The following SH3RF2 variants were observed in gnomAD, a reference collection of about 807,000 sequenced individuals.
SH3RF2 encodes SH3 domain containing ring finger 2.
A neutral mutation model predicts 59.0 loss-of-function variants in SH3RF2; 43 were observed. The observed-to-expected ratio is 0.73, with a 90% CI of 0.57 to 0.94. The LOEUF is 0.94. Among genes scored for constraint, SH3RF2 ranks in the 40% least tolerant of loss-of-function variants. The probability of loss-of-function intolerance (pLI) is 0.00; values close to 1 mark genes in which losing one functional copy is unlikely to be tolerated. For synonymous variants in SH3RF2, 391 were observed against 391.5 expected, an observed-to-expected ratio of 1.00 and a Z score of 0.01; for missense variants, 930 against 940.1, an observed-to-expected ratio of 0.99 and a Z score of 0.14.
At chr5:146,063,760 C>A (rs775321306), downstream of SH3RF2, among the ~76,000 whole-genome samples, 1 of 151,794 alleles carries the variant, frequency 6.6e-6, no homozygotes, top group Non-Finnish European at 1.5e-5. Flanking sequence ...CTCTTGAGGC[C>A]GAGGCATGAA....
chr5:145,965,838 T>C (rs1292603567), intron 2 of SH3RF2, among the ~76,000 whole-genome samples: 1 of 152,152 alleles, frequency 6.6e-6, no homozygotes, highest in Non-Finnish European at 1.5e-5. Context: ...GTGTGGTTGG[T>C]AATAATAAGA....
chr5:145,952,628 C>T lies in SH3RF2; in HGVS notation c.378+14322C>T, dbSNP rs138771742. Among the ~76,000 whole-genome samples the T allele has an allele frequency of 5.4e-3, 815 of 152,208 alleles. 4 individuals are homozygous for T. Among genetic ancestry groups the T allele is most frequent in the Admixed American group, 0.013 (205 of 15,288 alleles). ...AGGATATAACCATGAACAAGACAGACGTGTAATGTATACTCTAATGGGATA... is the reference window on the plus strand; with the variant it reads ...AGGATATAACCATGAACAAGACAGATGTGTAATGTATACTCTAATGGGATA... On this transcript the variant is annotated intron_variant, in intron 2 of 9. Transcript: ENST00000359120.
At chr5:145,944,555 C>T (rs1408608203) in intron 2 of SH3RF2, among the ~76,000 whole-genome samples, 2 of 152,102 alleles carry the variant, frequency 1.3e-5, no homozygotes, top group Non-Finnish European at 2.9e-5. Flanking sequence ...GTACTTTAGA[C>T]CAGCCTTTCA....
chr5:145,977,559 C>G (rs1234662132), intron 2 of SH3RF2, among the ~76,000 whole-genome samples: 1 of 152,182 alleles, frequency 6.6e-6, no homozygotes, highest in Non-Finnish European at 1.5e-5. Context: ...TTTCATGTAA[C>G]TCCTGTGCCC....
intron 1 of SH3RF2, 49 bp downstream of exon 1, chr5:145,936,743 T>C (rs17424994): frequency 0.16 from 24,149 of 152,392 alleles, 2,291 homozygotes; most frequent in Non-Finnish European, 0.2. Flanking sequence ...GCTGACATCT[T>C]TGGAGAGGAG....
intron 5 of SH3RF2, among the ~76,000 whole-genome samples, chr5:146,017,542 C>T (rs1476834300): frequency 1.3e-5 from 2 of 152,112 alleles, no homozygotes; most frequent in Non-Finnish European, 2.9e-5. Flanking sequence ...CTCCTCCTCC[C>T]CATCCCTGTC....
At chr5:146,069,489 TTGCTGC>T (rs56297729) in intron 9 of SH3RF2, among the ~76,000 whole-genome samples, 20 of 151,340 alleles carry the variant, frequency 1.3e-4, no homozygotes, top group African/African-American at 2.2e-4. Context: ...AAATGAGATC[TTGCTGC>T]TGCTGCTGCT....
intron 1 of SH3RF2, among the ~76,000 whole-genome samples, chr5:145,937,549 G>A (rs898536629): frequency 3.3e-5 from 5 of 152,142 alleles, no homozygotes; most frequent in Admixed American, 1.3e-4. Flanking sequence ...GAGGGGTTGG[G>A]GGGCCACTTC....
intron 8 of SH3RF2, 71 bp downstream of exon 8, chr5:146,056,284 ATGCTTTTTGC>A: frequency 2.5e-6 from 4 of 1,600,964 alleles, no homozygotes; most frequent in African/African-American, 2.7e-5. Context: ...GGTACACAGG[ATGCTTTTTGC>A]AAAAACAGGA....
At chr5:146,026,929 A>G (rs1761549173) in intron 5 of SH3RF2, among the ~76,000 whole-genome samples, 1 of 152,248 alleles carries the variant, frequency 6.6e-6, no homozygotes, top group South Asian at 2.1e-4. Flanking sequence ...GGAGTGGTAA[A>G]TGGCTCAATA....
At chr5:146,062,402 C>G (rs1762929790) in intron 9 of SH3RF2, 24 bp from the exon 10 acceptor site, 1 of 1,609,032 alleles carries the variant, frequency 6.2e-7, no homozygotes, top group African/African-American at 1.3e-5. Context: ...CACCTGTGTC[C>G]ATTTCCTCTC....
chr5:145,964,374 T>A (rs1333868668), intron 2 of SH3RF2, among the ~76,000 whole-genome samples: 4 of 147,252 alleles, frequency 2.7e-5, no homozygotes, highest in African/African-American at 1.0e-4. Flanking sequence ...TGGCGCCATC[T>A]CAGCTCGCTG....
At chr5:145,959,193 A>G (rs1269643717) in intron 2 of SH3RF2, among the ~76,000 whole-genome samples, 1 of 152,192 alleles carries the variant, frequency 6.6e-6, no homozygotes, top group Non-Finnish European at 1.5e-5. Context: ...TTATGCAACC[A>G]TTTGCCCAAT....
intron 2 of SH3RF2, among the ~76,000 whole-genome samples, chr5:145,991,648 T>G (rs1441189716): frequency 6.6e-6 from 1 of 152,194 alleles, no homozygotes; most frequent in Non-Finnish European, 1.5e-5. Context: ...TTATTTATGT[T>G]GAGGGGAGAT....
chr5:145,954,267 G>T (rs1758307002), intron 2 of SH3RF2, among the ~76,000 whole-genome samples: 1 of 152,220 alleles, frequency 6.6e-6, no homozygotes, highest in Admixed American at 6.5e-5. Context: ...GTGTGAGATG[G>T]TATCTCACTG....
At chr5:145,975,818 C>T (rs1365153765) in intron 2 of SH3RF2, among the ~76,000 whole-genome samples, 1 of 152,238 alleles carries the variant, frequency 6.6e-6, no homozygotes, top group Non-Finnish European at 1.5e-5. Flanking sequence ...CAGACAAATC[C>T]CTGCTCTGTG....
chr5:146,064,771 GAAGGA>G (rs1561773647), downstream of SH3RF2, among the ~76,000 whole-genome samples: 17 of 24,434 alleles, frequency 7.0e-4, no homozygotes, highest in African/African-American at 1.7e-3. Flanking sequence ...AGGAAGGAAG[GAAGGA>G]AAGGAAGGAA....
chr5:146,069,091 A>G (rs924946978), intron 9 of SH3RF2, among the ~76,000 whole-genome samples: 1 of 152,152 alleles, frequency 6.6e-6, no homozygotes, highest in African/African-American at 2.4e-5. Context: ...AGTGCAACCC[A>G]TAGAGATATT....
At chr5:146,025,162 G>T (rs1354048877) in intron 5 of SH3RF2, among the ~76,000 whole-genome samples, 1 of 152,124 alleles carries the variant, frequency 6.6e-6, no homozygotes, top group African/African-American at 2.4e-5. Flanking sequence ...AGCATATATT[G>T]GGGAGTCCAA....
Sources: gnomAD v4.1 joint callset for allele counts (sites outside exome capture counted in the v4.1 genomes callset) on GRCh38, gnomAD v4.1.1 for gene constraint, MANE v1.5 for transcripts, NCBI Gene and HGNC (gene_info 2026-07-23, HGNC 2026-07-21) for gene names.